The following FBXO11 variants were observed in gnomAD, a reference collection of about 807,000 sequenced individuals.
The protein encoded by FBXO11 is F-box only protein 11.
FBXO11 carries 13 observed loss-of-function variants against 117.0 expected under a neutral mutation model. The ratio of observed to expected loss-of-function variants is 0.11; its 90% CI spans 0.07 to 0.18. FBXO11 has a LOEUF of 0.18. Ranked by LOEUF, FBXO11 falls within the 10% of genes least tolerant of loss-of-function variation. FBXO11 has a pLI of 1.00. For missense variants in FBXO11, 767 were observed against 1,164.4 expected (o/e 0.66, Z 4.97); for synonymous variants, 490 against 380.5 (o/e 1.29, Z -3.35).
At chr2:47,808,948 C>T (rs956212877) in intron 21 of FBXO11, 12 of 418,138 alleles carry the variant, frequency 2.9e-5, no homozygotes, top group African/African-American at 2.5e-4. Flanking sequence ...CCTCCCACTT[C>T]AGCCTCCCAA....
intron 1 of FBXO11, among the ~76,000 whole-genome samples, chr2:47,870,070 C>T (rs139127945): frequency 1.1e-4 from 16 of 152,338 alleles, no homozygotes; most frequent in South Asian, 1.0e-3. Context: ...GAATAAAACA[C>T]AAAGGCCTCT....
chr2:47,828,571 T>C (rs112760854), intron 11 of FBXO11, among the ~76,000 whole-genome samples: 8,745 of 149,544 alleles, frequency 0.058, 340 homozygotes, highest in Middle Eastern at 0.095. Flanking sequence ...ATTGCACCAC[T>C]GCACTCCAGC....
intron 11 of FBXO11, among the ~76,000 whole-genome samples, chr2:47,828,207 C>T (rs866225957): frequency 3.3e-5 from 5 of 152,156 alleles, no homozygotes; most frequent in Non-Finnish European, 4.4e-5. Context: ...TCTTGAACTC[C>T]TGGGTTCATG....
At chr2:47,865,259 T>C (rs1288064461) in intron 1 of FBXO11, among the ~76,000 whole-genome samples, 1 of 152,212 alleles carries the variant, frequency 6.6e-6, no homozygotes. Context: ...ATGAACATCT[T>C]GAATAAAGCT....
chr2:47,905,604 C>T lies in FBXO11; in HGVS notation c.117G>A (p.Gln39=), dbSNP rs1678741041. ...QQPPPQPPQQ[Q]PPQQQPPPPP... Reference sequence around the variant, plus strand: ...GCGGCGGAGGCTGCTGCTGGGGCGGCTGCTGCTGGGGCGGCTGCGGCGGCG... The same window carrying T: ...GCGGCGGAGGCTGCTGCTGGGGCGGTTGCTGCTGGGGCGGCTGCGGCGGCG... Residue 39 remains glutamine, a synonymous_variant, in exon 1 of 23, where the codon CAG becomes CAA. Transcript: ENST00000403359. The T allele has an allele frequency of 3.8e-6, 5 of 1,315,358 alleles. No individual in the cohort carries two copies. Among genetic ancestry groups the T allele is most frequent in the Middle Eastern group, 5.7e-4 (2 of 3,498 alleles). The allele number at this position is 1,315,358 out of a possible 1,614,324, so 81.5% of individuals were successfully genotyped here. A position where few individuals can be genotyped will look rare whatever the true frequency, so the allele number is the denominator to read the frequency against.
intron 12 of FBXO11, 36 bp from the exon 13 acceptor site, chr2:47,822,339 T>C: frequency 7.3e-7 from 1 of 1,365,978 alleles, no homozygotes; most frequent in Non-Finnish European, 1.0e-6. Context: ...AGAAGACATC[T>C]ATTCAGCCAA....
intron 1 of FBXO11, among the ~76,000 whole-genome samples, chr2:47,896,610 G>C (rs1404289296): frequency 1.3e-5 from 2 of 152,138 alleles, no homozygotes; most frequent in Non-Finnish European, 2.9e-5. Flanking sequence ...AGGATTACAG[G>C]CATGAGCCAC....
intron 16 of FBXO11, among the ~76,000 whole-genome samples, chr2:47,814,760 T>C (rs956583055): frequency 1.6e-4 from 24 of 152,346 alleles, no homozygotes; most frequent in African/African-American, 5.8e-4. Flanking sequence ...CTCTGTAGCA[T>C]GCAATGTTGT....
chr2:47,864,042 G>A lies in FBXO11; in HGVS notation c.233-24273C>T, dbSNP rs375792324. ...CAAAATGGTAGTCAAGTTACAATAC[G>A]GCATATGTGCTGGAATTTTTAATTT... is the stretch of plus-strand genomic sequence containing the variant. On this transcript the variant is annotated intron_variant, in intron 1 of 22. Transcript: ENST00000403359. Among the ~76,000 whole-genome samples the A allele has an allele frequency of 2.0e-3, 311 of 152,014 alleles. 2 individuals are homozygous for A. The highest frequency in any genetic ancestry group is 7.0e-3 in the African/African-American group (289 of 41,476).
chr2:47,818,439 T>C (rs948147670), intron 16 of FBXO11: 37 of 201,546 alleles, frequency 1.8e-4, no homozygotes, highest in African/African-American at 8.3e-4. Flanking sequence ...CTTCATTTTA[T>C]TGAGTGCCAA....
chr2:47,841,099 G>C (rs1482062251), intron 1 of FBXO11, among the ~76,000 whole-genome samples: 2 of 151,810 alleles, frequency 1.3e-5, no homozygotes, highest in Admixed American at 6.6e-5. Flanking sequence ...TCAGGAGGCT[G>C]AGGCAGGAGA....
intron 1 of FBXO11, among the ~76,000 whole-genome samples, chr2:47,841,860 C>CT (rs1354863118): frequency 1.3e-5 from 2 of 149,132 alleles, no homozygotes; most frequent in Non-Finnish European, 3.0e-5. Context: ...AGGATGGTCT[C>CT]TAACTCCTGA....
At position 47,849,462 on chromosome 2, in the gene FBXO11, G is replaced by A. The variant is rs562852957; in HGVS notation, c.233-9693C>T. Among the ~76,000 whole-genome samples the A allele has an allele frequency of 1.2e-3, 185 of 152,272 alleles. 1 individual carries two copies. Among genetic ancestry groups the A allele is most frequent in the African/African-American group, 4.2e-3 (176 of 41,544 alleles). On this transcript the variant is annotated intron_variant, in intron 1 of 22. Transcript: ENST00000403359. Reference sequence around the variant, plus strand: ...ATACTTAAAATGACTTAAAAAATGTGCATTTTCGTTACTTAGTAACAATCT... The same window carrying A: ...ATACTTAAAATGACTTAAAAAATGTACATTTTCGTTACTTAGTAACAATCT...
intron 1 of FBXO11, among the ~76,000 whole-genome samples, chr2:47,861,318 C>CTT (rs869265850): frequency 3.4e-4 from 45 of 132,614 alleles, no homozygotes; most frequent in South Asian, 4.8e-4. Flanking sequence ...ATAGTCTGAC[C>CTT]TTTTTTTTTT....
chr2:47,905,603 G>A lies in FBXO11; in HGVS notation c.118C>T (p.Pro40Ser). 7.6e-7 allele frequency: 1 copy of A among 1,311,198 alleles called. No homozygotes were observed. Among genetic ancestry groups the A allele is most frequent in the Non-Finnish European group, 9.7e-7 (1 of 1,031,890 alleles). The allele number at this position is 1,311,198 out of a possible 1,614,324, so 81.2% of individuals were successfully genotyped here. ...GGCGGCGGAGGCTGCTGCTGGGGCG[G>A]CTGCTGCTGGGGCGGCTGCGGCGGC... is the stretch of plus-strand genomic sequence containing the variant. ...QPPPQPPQQQ[P>S]PQQQPPPPPQ... The change falls in exon 1 of 23, where the codon CCG becomes TCG. Residue 40 changes from proline to serine, a missense_variant. This residue lies in a region of FBXO11 where 355 missense variants were observed against 299.8 expected (regional missense o/e 1.18). Transcript: ENST00000403359.
intron 1 of FBXO11, among the ~76,000 whole-genome samples, chr2:47,859,059 GA>G (rs1674549492): frequency 7.8e-6 from 1 of 128,016 alleles, no homozygotes; most frequent in Non-Finnish European, 1.7e-5. Context: ...AAAAAAAAAA[GA>G]AAAGAAAAGA....
chr2:47,869,656 A>C (rs1189946289), intron 1 of FBXO11, among the ~76,000 whole-genome samples: 3 of 152,238 alleles, frequency 2.0e-5, no homozygotes, highest in African/African-American at 2.4e-5. Flanking sequence ...CAGAATGGGT[A>C]GTGGTAGTTA....
rs757870844 is a variant in FBXO11, at chr2:47,823,283, C to T, written c.1476G>A (p.Val492=). The part of the protein sequence containing the change: ...FEVKAYANPT[V]VRCEIHHGQT... ...GCCCATGGTGAATTTCACATCGAACCACTGTAGGGTTAGCATAGGCTTTTA... is the reference window on the plus strand; with the variant it reads ...GCCCATGGTGAATTTCACATCGAACTACTGTAGGGTTAGCATAGGCTTTTA... The change falls in exon 12 of 23, where the codon GTG becomes GTA. Residue 492 remains valine, a synonymous_variant. Coordinates refer to ENST00000403359, the MANE Select transcript of FBXO11 (RefSeq NM_001190274.2). 4.3e-6 allele frequency: 7 copies of T among 1,613,876 alleles called. No individual in the cohort carries two copies. The highest frequency in any genetic ancestry group is 5.1e-6 in the Non-Finnish European group (6 of 1,179,980).
At chr2:47,895,223 C>T (rs750320140) in intron 1 of FBXO11, among the ~76,000 whole-genome samples, 2 of 152,106 alleles carry the variant, frequency 1.3e-5, no homozygotes, top group African/African-American at 2.4e-5. Flanking sequence ...TAGCACTACT[C>T]CTGACATCCA....
Sources: allele counts gnomAD v4.1 joint callset (sites outside exome capture counted in the v4.1 genomes callset), GRCh38; gene constraint gnomAD v4.1.1; regional missense constraint gnomAD v4.1.1; transcripts MANE v1.5; gene names NCBI Gene and HGNC (gene_info 2026-07-23, HGNC 2026-07-21).